The following SCNN1G variants were observed in gnomAD, a reference collection of about 807,000 sequenced individuals.
SCNN1G encodes the protein epithelial sodium channel subunit gamma.
Under a neutral mutation model 64.6 loss-of-function variants are expected in SCNN1G, and 27 were observed. The observed-to-expected ratio is 0.42, with a 90% CI of 0.31 to 0.58. The LOEUF (loss-of-function observed/expected upper bound fraction) is 0.58. Ranked by LOEUF, SCNN1G falls within the 20% of genes least tolerant of loss-of-function variation. The pLI is 0.18. For synonymous variants in SCNN1G, 330 were observed against 314.2 expected (o/e 1.05, Z -0.53); for missense variants, 743 against 823.4 (o/e 0.90, Z 1.19).
intron 6 of SCNN1G, among the ~76,000 whole-genome samples, chr16:23,209,206 C>A (rs191103694): frequency 6.6e-6 from 1 of 152,110 alleles, no homozygotes; most frequent in African/African-American, 2.4e-5. Flanking sequence ...TGGCTCACTG[C>A]AGCCTTGACC....
At chr16:23,185,993 C>T (rs1596760560) in intron 1 of SCNN1G, among the ~76,000 whole-genome samples, 1 of 149,008 alleles carries the variant, frequency 6.7e-6, no homozygotes, top group Non-Finnish European at 1.5e-5. Context: ...CACGGCTAGG[C>T]CTGGGGGCCG....
chr16:23,198,715 G>A (rs573552813), intron 6 of SCNN1G, among the ~76,000 whole-genome samples: 20 of 151,850 alleles, frequency 1.3e-4, no homozygotes, highest in African/African-American at 3.9e-4. Context: ...CTCCAGTCTC[G>A]GTGACAGAGT....
intron 5 of SCNN1G, among the ~76,000 whole-genome samples, 163 bp from the exon 6 acceptor site, chr16:23,197,101 C>T (rs1246190011): frequency 6.6e-6 from 1 of 152,234 alleles, no homozygotes; most frequent in African/African-American, 2.4e-5. Flanking sequence ...GTCAGGCATG[C>T]ATTCCAATCT....
chr16:23,211,242 A>G (rs532013249), intron 7 of SCNN1G, among the ~76,000 whole-genome samples: 7 of 152,306 alleles, frequency 4.6e-5, no homozygotes, highest in Admixed American at 6.5e-5. Flanking sequence ...CAAAGATTGG[A>G]TTTGACCTGA....
At chr16:23,189,135 C>A (rs1236279721) in intron 2 of SCNN1G, among the ~76,000 whole-genome samples, 1 of 152,152 alleles carries the variant, frequency 6.6e-6, no homozygotes. Context: ...ACAGTGGTGG[C>A]AGAGGTGAAG....
At position 23,202,264 on chromosome 16, in the gene SCNN1G, GTGGATGGATGGATGGATGGATGGA is replaced by G. The variant is rs766730532; in HGVS notation, c.1077+4863_1077+4886del. 5.0e-3 allele frequency among the ~76,000 whole-genome samples: 498 copies of G among 98,706 alleles called. 3 individuals carry two copies. The highest frequency in any genetic ancestry group is 7.0e-3 in the Non-Finnish European group (337 of 48,304). 64.8% of individuals were successfully genotyped at this position (98,706 alleles called of 152,430 possible). ...GACAGATGGATGGGTGGGTGGGTGGGTGGATGGATGGATGGATGGATGGATGGATGGATGGATGGATGGATGGAT... is the reference window on the plus strand; with the variant it reads ...GACAGATGGATGGGTGGGTGGGTGGGTGGATGGATGGATGGATGGATGGAT... On this transcript the variant is annotated intron_variant, in intron 6 of 12. Coordinates refer to ENST00000300061, the MANE Select transcript of SCNN1G (RefSeq NM_001039.4).
intron 1 of SCNN1G, among the ~76,000 whole-genome samples, 182 bp downstream of exon 1, chr16:23,182,995 C>A (rs1959545074): frequency 6.6e-6 from 1 of 152,154 alleles, no homozygotes; most frequent in Non-Finnish European, 1.5e-5. Context: ...CCAGCTCTCC[C>A]GGGTCTACCC....
At chr16:23,201,051 A>C (rs979794303) in intron 6 of SCNN1G, among the ~76,000 whole-genome samples, 1 of 152,208 alleles carries the variant, frequency 6.6e-6, no homozygotes, top group African/African-American at 2.4e-5. Context: ...AGGAAAAACT[A>C]TCTCGAACCC....
chr16:23,188,392 G>A, intron 2 of SCNN1G, among the ~76,000 whole-genome samples: 1 of 152,130 alleles, frequency 6.6e-6, no homozygotes, highest in East Asian at 1.9e-4. Flanking sequence ...CACATTCATA[G>A]TCCCAGCAAC....
intron 3 of SCNN1G, among the ~76,000 whole-genome samples, chr16:23,190,892 G>A (rs1280069360): frequency 7.6e-6 from 1 of 132,188 alleles, no homozygotes; most frequent in Non-Finnish European, 1.5e-5. Context: ...CACCCACGCT[G>A]GAGTGCAGTG....
Position 23,216,586 on chromosome 16 carries a change from A to C in SCNN1G, c.*1117A>C, listed in dbSNP as rs1176041427. On this transcript the variant is annotated 3_prime_UTR_variant, in exon 13 of 13. Coordinates refer to ENST00000300061, the MANE Select transcript of SCNN1G (RefSeq NM_001039.4). ...TAGGGGACTGCAAATGGTGTTCCGC[A>C]AAGCAAATCCTGTTTTTGACCATGA... 2 of 152,218 alleles carry C rather than the reference A, an allele frequency of 1.3e-5. No homozygotes were observed. Among genetic ancestry groups the C allele is most frequent in the African/African-American group, 4.8e-5 (2 of 41,454 alleles). 9.4% of individuals were successfully genotyped at this position (152,218 alleles called of 1,614,324 possible).
chr16:23,192,452 A>G lies in SCNN1G; in HGVS notation c.719A>G (p.Gln240Arg), dbSNP rs1387447110. The G allele has an allele frequency of 6.2e-7, 1 of 1,613,790 alleles. No homozygotes were observed. The highest frequency in any genetic ancestry group is 1.3e-5 in the African/African-American group (1 of 74,934). ...YKLHYMNIMA[Q>R]VPLEKKINMS... ...CTACACTACATGAACATCATGGCAC[A>G]GGTGCCTCTGGAGAAGAAAATCAAC... The change falls in exon 4 of 13, where the codon CAG (glutamine) becomes CGG (arginine). Residue 240 changes from glutamine (Q) to arginine (R), a missense_variant. Gln to Arg is a conservative substitution (Grantham distance 43, BLOSUM62 1). Transcript: ENST00000300061.
chr16:23,189,693 C>CT, intron 3 of SCNN1G, 22 bp downstream of exon 3: 1 of 1,610,782 alleles, frequency 6.2e-7, no homozygotes, highest in Non-Finnish European at 8.5e-7. Context: ...CCTTCTCATT[C>CT]TTTCACTGCT....
chr16:23,195,116 C>T (rs1335253071), intron 5 of SCNN1G: 1 of 152,136 alleles, frequency 6.6e-6, no homozygotes, highest in Non-Finnish European at 1.5e-5. Flanking sequence ...CTTGTGACTT[C>T]CTTTCACCTT....
At chr16:23,204,336 G>GAT (rs1959954461) in intron 6 of SCNN1G, among the ~76,000 whole-genome samples, 2 of 67,188 alleles carry the variant, frequency 3.0e-5, no homozygotes, top group African/African-American at 1.1e-4. Flanking sequence ...TATATATATA[G>GAT]AGAGAGAGAG....
intron 6 of SCNN1G, among the ~76,000 whole-genome samples, chr16:23,204,334 T>TATATATATATATAGAGAG (rs1567267153): frequency 2.6e-4 from 4 of 15,172 alleles, no homozygotes; most frequent in South Asian, 5.8e-3. Flanking sequence ...TATATATATA[T>TATATATATATATAGAGAG]AGAGAGAGAG....
intron 3 of SCNN1G, among the ~76,000 whole-genome samples, 182 bp downstream of exon 3, chr16:23,189,853 C>T (rs544325176): frequency 2.6e-5 from 4 of 152,240 alleles, no homozygotes; most frequent in South Asian, 2.1e-4. Context: ...GGGCGAATCA[C>T]CTGAGGTCAG....
chr16:23,188,307 G>A lies in SCNN1G; in HGVS notation c.318-1064G>A, dbSNP rs141989299. ...GAGGATTGCTTGAGGCCAGGAATTC[G>A]AGACCAGCCTGGGCAACAGAGCAAG... On this transcript the variant is annotated intron_variant, in intron 2 of 12. Coordinates refer to ENST00000300061, the MANE Select transcript of SCNN1G (RefSeq NM_001039.4). Among the ~76,000 whole-genome samples, 146 of 152,128 alleles carry A rather than the reference G, an allele frequency of 9.6e-4. 5 individuals are homozygous for A. In the East Asian group the frequency reaches 0.026, roughly 27 times the overall value.
chr16:23,194,308 C>T, intron 5 of SCNN1G, 34 bp downstream of exon 5: 3 of 1,413,032 alleles, frequency 2.1e-6, no homozygotes, highest in Non-Finnish European at 3.0e-6. Context: ...ATCTTGAGGC[C>T]CTCCAATAGT....
Sources: allele counts gnomAD v4.1 joint callset (sites outside exome capture counted in the v4.1 genomes callset), GRCh38; gene constraint gnomAD v4.1.1; transcripts MANE v1.5; gene names NCBI Gene and HGNC (gene_info 2026-07-23, HGNC 2026-07-21).